CDK18: variants seen among roughly 807,000 people sequenced by gnomAD.
The protein encoded by CDK18 is cyclin-dependent kinase 18.
In CDK18, 52 loss-of-function variants were observed where a neutral mutation model predicts 62.0. The observed-to-expected ratio is 0.84, with a 90% CI of 0.67 to 1.06. CDK18 has a LOEUF of 1.06. Among genes scored for constraint, CDK18 ranks in the 50% least tolerant of loss-of-function variants. CDK18 has a pLI of 0.00. For missense variants in CDK18, 604 were observed against 619.9 expected (o/e 0.97, Z 0.27); for synonymous variants, 237 against 247.0 (o/e 0.96, Z 0.38).
intron 1 of CDK18, among the ~76,000 whole-genome samples, chr1:205,520,465 G>A (rs568553438): frequency 1.3e-5 from 2 of 152,250 alleles, no homozygotes; most frequent in Admixed American, 6.5e-5. Context: ...TTGGGAGGCC[G>A]AGGAGGGGCA....
intron 1 of CDK18, among the ~76,000 whole-genome samples, chr1:205,515,255 C>A (rs919191651): frequency 6.6e-6 from 1 of 150,762 alleles, no homozygotes; most frequent in Middle Eastern, 3.2e-3. Flanking sequence ...CGGCTCACCG[C>A]AAACTCTGCC....
At chr1:205,519,359 G>A (rs4330975) in intron 1 of CDK18, among the ~76,000 whole-genome samples, 133,931 of 151,922 alleles carry the variant, frequency 0.88, 59,366 homozygotes, top group Non-Finnish European at 0.94. Context: ...CAATGCCCTG[G>A]TTGTCCCCAG....
intron 2 of CDK18, 24 bp downstream of exon 2, chr1:205,523,321 C>G: frequency 1.9e-6 from 3 of 1,613,784 alleles, no homozygotes; most frequent in Non-Finnish European, 2.5e-6. Context: ...GCCCACCCAG[C>G]ACCTCTCCCA....
At chr1:205,505,960 C>T (rs954812654) in intron 1 of CDK18, among the ~76,000 whole-genome samples, 1 of 152,196 alleles carries the variant, frequency 6.6e-6, no homozygotes, top group Non-Finnish European at 1.5e-5. Flanking sequence ...GACTCACTAA[C>T]ACCACCGGCT....
chr1:205,519,164 G>A (rs1184009506), intron 1 of CDK18, among the ~76,000 whole-genome samples: 1 of 152,210 alleles, frequency 6.6e-6, no homozygotes, highest in East Asian at 1.9e-4. Flanking sequence ...CCCACTTGGG[G>A]GTGAGGGGTA....
intron 1 of CDK18, among the ~76,000 whole-genome samples, chr1:205,510,687 A>C (rs1667527964): frequency 6.6e-6 from 1 of 152,244 alleles, no homozygotes; most frequent in Admixed American, 6.5e-5. Flanking sequence ...TCAGAAGCCC[A>C]AAGTGTGGTC....
intron 1 of CDK18, among the ~76,000 whole-genome samples, chr1:205,505,080 A>G (rs1053431360): frequency 1.3e-5 from 2 of 151,862 alleles, no homozygotes; most frequent in Non-Finnish European, 1.5e-5. Flanking sequence ...TTATTTTGCA[A>G]TCTCAGACCC....
rs748001929 is a variant in CDK18, at chr1:205,527,513, A to G, written c.730-281A>G. On this transcript the variant is annotated intron_variant, in intron 8 of 15. Transcript: ENST00000429964. This position sits in a 1 kb window ranked among gnomAD's most constrained non-coding sequence, Gnocchi z 4.1. ...AAAAAAAAAAAAAGGGATCAAGCAC[A>G]TATGTCTCCACATAGGCGGGCATCC... 14 of 386,664 alleles carry G rather than the reference A, an allele frequency of 3.6e-5. No homozygotes were observed. Among genetic ancestry groups the G allele is most frequent in the Non-Finnish European group, 5.6e-5 (12 of 212,854 alleles). 24.0% of individuals were successfully genotyped at this position (386,664 alleles called of 1,614,324 possible).
Position 205,517,972 on chromosome 1 carries a change from A to G in CDK18, c.-21-5175A>G, listed in dbSNP as rs1480353780. Among the ~76,000 whole-genome samples, 1 of 152,102 alleles carries G rather than the reference A, an allele frequency of 6.6e-6. No homozygotes were observed. Among genetic ancestry groups the G allele is most frequent in the Non-Finnish European group, 1.5e-5 (1 of 68,016 alleles). Reference sequence around the variant, plus strand: ...CGCACTCCCATCCAGCATCTTCTCCAGCCACATCATTGTCCTGCAGTGAAC... The same window carrying G: ...CGCACTCCCATCCAGCATCTTCTCCGGCCACATCATTGTCCTGCAGTGAAC... On this transcript the variant is annotated intron_variant, in intron 1 of 15. Transcript: ENST00000429964. The surrounding 1 kb of genome is among the most constrained non-coding windows in gnomAD (Gnocchi z 4.1).
chr1:205,523,205 T>G lies in CDK18; in HGVS notation c.38T>G (p.Phe13Cys), dbSNP rs1438002578. 30 of 1,613,608 alleles carry G rather than the reference T, an allele frequency of 1.9e-5. 2 individuals carry two copies. In the South Asian group the frequency reaches 3.2e-4, roughly 17 times the overall value. The change falls in exon 2 of 16, where the codon TTC becomes TGC. Residue 13 changes from phenylalanine to cysteine, a missense_variant. Transcript: ENST00000429964. The stretch of plus-strand genomic sequence containing the variant: ...AAGATGAAGAACTTTAAGCGCCGTT[T>G]CTCCCTGTCAGTGCCCCGCACTGAG... ...MNKMKNFKRR[F>C]SLSVPRTETI...
rs1168820117 is a variant in CDK18, at chr1:205,530,621, C to G, written c.1313-7C>G. On this transcript the variant is annotated splice_region_variant and splice_polypyrimidine_tract_variant and intron_variant, in intron 14 of 15. Transcript: ENST00000429964. ...CCCTCTCCAGACTATGCACTTCTCT[C>G]CCCCAGCTGCCTCCATCTTCTCCCT... 1 of 1,613,684 alleles carries G rather than the reference C, an allele frequency of 6.2e-7. No homozygotes were observed. Among genetic ancestry groups the G allele is most frequent in the South Asian group, 1.1e-5 (1 of 91,066 alleles).
In CDK18 at chr1:205,530,256, C is replaced by A; in HGVS notation, c.1222-3C>A. On this transcript the variant is annotated splice_region_variant and splice_polypyrimidine_tract_variant and intron_variant, in intron 13 of 15. Coordinates refer to ENST00000429964, the MANE Select transcript of CDK18 (RefSeq NM_212502.3). ...CCCAATAGCCCCACCCTGTGCCTTT[C>A]AGTATGAATCCAAGAGTCGCATGTC... The A allele has an allele frequency of 2.5e-6, 4 of 1,612,096 alleles. No individual in the cohort carries two copies. Among genetic ancestry groups the A allele is most frequent in the Non-Finnish European group, 3.4e-6 (4 of 1,180,018 alleles).
chr1:205,531,599 C>T lies in CDK18; in HGVS notation c.*221C>T, dbSNP rs759599678. The T allele has an allele frequency of 1.9e-5, 11 of 564,732 alleles. No individual in the cohort carries two copies. Among genetic ancestry groups the T allele is most frequent in the South Asian group, 4.0e-5 (2 of 49,910 alleles). The allele number at this position is 564,732 out of a possible 1,614,324, so 35.0% of individuals were successfully genotyped here. A position where few individuals can be genotyped will look rare whatever the true frequency, so the allele number is the denominator to read the frequency against. ...TGCATACCAACCCCTCCTTTACCCA[C>T]GTTGGGGCTGGCATAAGCTGCTTCC... On this transcript the variant is annotated 3_prime_UTR_variant, in exon 16 of 16. Transcript: ENST00000429964.
chr1:205,523,296 G>A lies in CDK18; in HGVS notation c.129G>A (p.Glu43=), dbSNP rs753132082. Residue 43 remains glutamate, a splice_region_variant and synonymous_variant, in exon 2 of 16, where the codon GAG becomes GAA. Coordinates refer to ENST00000429964, the MANE Select transcript of CDK18 (RefSeq NM_212502.3). ...QFNQLHNRRN[E]NLQLGPLGRD... ...ACCAGCTCCACAACCGGCGGAATGAGAGTGAGGGGTCTGGGCCCACCCAGC... is the reference window on the plus strand; with the variant it reads ...ACCAGCTCCACAACCGGCGGAATGAAAGTGAGGGGTCTGGGCCCACCCAGC... 1 of 1,613,998 alleles carries A rather than the reference G, an allele frequency of 6.2e-7. No individual in the cohort carries two copies. Among genetic ancestry groups the A allele is most frequent in the Non-Finnish European group, 8.5e-7 (1 of 1,180,004 alleles).
At position 205,526,436 on chromosome 1, in the gene CDK18, C is replaced by T; in HGVS notation, c.641C>T (p.Ser214Phe). The T allele has an allele frequency of 6.2e-7, 1 of 1,614,020 alleles. No individual in the cohort carries two copies. The highest frequency in any genetic ancestry group is 8.5e-7 in the Non-Finnish European group (1 of 1,179,882). ...CATGACCTCATCCACACAGATCGGT[C>T]CCTCACCCTGGTGTTTGAGTACCTG... Reference protein sequence around the residue: ...TLHDLIHTDRSLTLVFEYLDS... With the variant: ...TLHDLIHTDRFLTLVFEYLDS... Residue 214 changes from serine to phenylalanine, a missense_variant, in exon 7 of 16, where the codon TCC becomes TTC. Ser to Phe is a radical substitution (Grantham distance 155). Coordinates refer to ENST00000429964, the MANE Select transcript of CDK18 (RefSeq NM_212502.3).
chr1:205,527,480 AAAAG>A lies in CDK18; in HGVS notation c.730-310_730-307del, dbSNP rs1166839330. 70 of 221,944 alleles carry A rather than the reference AAAAG, an allele frequency of 3.2e-4. No homozygotes were observed. Among genetic ancestry groups the A allele is most frequent in the African/African-American group, 1.9e-3 (62 of 32,080 alleles). The allele number at this position is 221,944 out of a possible 1,614,324, so 13.7% of individuals were successfully genotyped here. Reference sequence around the variant, plus strand: ...GGTGACAGAGTAAAACCCTGACTCTAAAAGAAAAAAAAAAAAAAAAGGGATCAAG... The same window carrying A: ...GGTGACAGAGTAAAACCCTGACTCTAAAAAAAAAAAAAAAAAGGGATCAAG... On this transcript the variant is annotated intron_variant, in intron 8 of 15. Coordinates refer to ENST00000429964, the MANE Select transcript of CDK18 (RefSeq NM_212502.3). The surrounding 1 kb of genome is among the most constrained non-coding windows in gnomAD (Gnocchi z 4.1).
chr1:205,529,961 G>A lies in CDK18; in HGVS notation c.1222-298G>A. The A allele has an allele frequency of 8.0e-6, 11 of 1,376,152 alleles. 1 individual carries two copies. Among genetic ancestry groups the A allele is most frequent in the South Asian group, 6.2e-5 (4 of 65,002 alleles). The allele number at this position is 1,376,152 out of a possible 1,614,324, so 85.2% of individuals were successfully genotyped here. A position where few individuals can be genotyped will look rare whatever the true frequency, so the allele number is the denominator to read the frequency against. On this transcript the variant is annotated intron_variant, in intron 13 of 15. Transcript: ENST00000429964. ...TTATCGGCACTACGCTTCCTGTTAC[G>A]GATGTTCTCCATCTGATCATGGTTG...
intron 1 of CDK18, among the ~76,000 whole-genome samples, chr1:205,511,788 T>A (rs989649553): frequency 6.6e-6 from 1 of 152,198 alleles, no homozygotes; most frequent in Non-Finnish European, 1.5e-5. Context: ...GTGCGGTGGC[T>A]CACACCTATA....
chr1:205,505,704 C>T (rs1667273260), intron 1 of CDK18, among the ~76,000 whole-genome samples: 1 of 152,120 alleles, frequency 6.6e-6, no homozygotes, highest in South Asian at 2.1e-4. Flanking sequence ...AGACCTTGTG[C>T]TGGGTGGGAG....
Sources: allele counts gnomAD v4.1 joint callset (sites outside exome capture counted in the v4.1 genomes callset), GRCh38; gene constraint gnomAD v4.1.1; non-coding constraint Gnocchi (gnomAD v3.1); transcripts MANE v1.5; gene names NCBI Gene and HGNC (gene_info 2026-07-23, HGNC 2026-07-21).